Variants in APOOL observed in about 807,000 individuals in gnomAD.
APOOL encodes the protein apolipoprotein O like.
A neutral mutation model predicts 23.1 loss-of-function variants in APOOL; 12 were observed. The observed-to-expected ratio is 0.52, with a 90% CI of 0.33 to 0.84. The LOEUF (loss-of-function observed/expected upper bound fraction) is 0.84, where lower values mean the gene tolerates loss of function less well. APOOL is among the 40% of genes least tolerant of loss of function. APOOL has a pLI of 0.02. For synonymous variants in APOOL, 77 were observed against 69.9 expected (o/e 1.10, Z -0.51); for missense variants, 212 against 199.6 (o/e 1.06, Z -0.37).
At chrX:85,081,099 G>T (rs770162194) in intron 8 of APOOL, among the ~76,000 whole-genome samples, 5 of 111,524 alleles carry the variant, frequency 4.5e-5, no homozygotes, top group African/African-American at 1.6e-4. Context: ...TACATTTAAG[G>T]TTAATATTGT....
chrX:85,016,125 T>G (rs2147474185), intron 1 of APOOL, among the ~76,000 whole-genome samples: 1 of 109,780 alleles, frequency 9.1e-6, no homozygotes, highest in African/African-American at 3.3e-5. Flanking sequence ...ATTGTTTTAT[T>G]TACTAAATTG....
At chrX:85,081,126 C>G in intron 8 of APOOL, among the ~76,000 whole-genome samples, 1 of 111,499 alleles carries the variant, frequency 9.0e-6, no homozygotes, top group Middle Eastern at 4.6e-3. Flanking sequence ...TGAATTTGAT[C>G]CTGTCGTTAT....
At chrX:85,009,228 T>C (rs1224009077) in intron 1 of APOOL, among the ~76,000 whole-genome samples, 3 of 111,704 alleles carry the variant, frequency 2.7e-5, no homozygotes, top group Non-Finnish European at 5.7e-5. Context: ...CTTTTCCAAT[T>C]TGTATGTCTT....
rs2147675059 is a variant in APOOL at position 85,090,936 on chromosome X, A to T, written c.*3258A>T. Reference sequence around the variant, plus strand: ...GAGTGACTGTGCTCAGCCTTTTTTAAAAAAATGAAGGTATTTGGTATGGCC... The same window carrying T: ...GAGTGACTGTGCTCAGCCTTTTTTATAAAAATGAAGGTATTTGGTATGGCC... On this transcript the variant is annotated 3_prime_UTR_variant, in exon 9 of 9. Transcript: ENST00000373173. The T allele has an allele frequency of 8.9e-6, 1 of 112,093 alleles. No homozygotes were observed. The highest frequency in any genetic ancestry group is 3.2e-5 in the African/African-American group (1 of 30,853). The allele number at this position is 112,093 out of a possible 1,213,427, so 9.2% of individuals were successfully genotyped here.
At chrX:85,023,416 G>T (rs779421593) in intron 1 of APOOL, among the ~76,000 whole-genome samples, 1 of 111,888 alleles carries the variant, frequency 8.9e-6, no homozygotes, top group Admixed American at 9.5e-5. Context: ...ATGGAAGACA[G>T]AAATTGAAAG....
Position 85,089,713 on chromosome X carries a change from A to T in APOOL, c.*2035A>T, listed in dbSNP as rs780813896. On this transcript the variant is annotated 3_prime_UTR_variant, in exon 9 of 9. Transcript: ENST00000373173. ...TCTACTTACTAGTTATATTCACCTA[A>T]CATCCCATAGATATGCCAATGTCAA... 5.4e-5 allele frequency: 6 copies of T among 110,927 alleles called. No individual in the cohort carries two copies. The highest frequency in any genetic ancestry group is 2.0e-4 in the African/African-American group (6 of 30,532). The allele number at this position is 110,927 out of a possible 1,213,427, so 9.1% of individuals were successfully genotyped here. A position where few individuals can be genotyped will look rare whatever the true frequency, so the allele number is the denominator to read the frequency against.
intron 8 of APOOL, among the ~76,000 whole-genome samples, chrX:85,085,741 A>G (rs958320597): frequency 1.8e-5 from 2 of 112,512 alleles, no homozygotes; most frequent in African/African-American, 3.2e-5. Context: ...GTCACAAAGT[A>G]AATATAAAAT....
At chrX:85,047,784 T>C (rs1226276000) in intron 2 of APOOL, among the ~76,000 whole-genome samples, 1 of 111,570 alleles carries the variant, frequency 9.0e-6, no homozygotes, top group Admixed American at 9.6e-5. Context: ...CTTCCCGCTT[T>C]AAGTCAACCT....
At chrX:85,022,659 C>T (rs942369742) in intron 1 of APOOL, among the ~76,000 whole-genome samples, 22 of 110,298 alleles carry the variant, frequency 2.0e-4, no homozygotes, top group African/African-American at 6.9e-4. Context: ...AAGCTAAAAG[C>T]TTTTCCTCTA....
In APOOL at chrX:85,092,018, C is replaced by T. The variant is rs1368047472; in HGVS notation, c.*4340C>T. 1 of 128,445 alleles carries T rather than the reference C, an allele frequency of 7.8e-6. No individual in the cohort carries two copies. The highest frequency in any genetic ancestry group is 1.6e-5 in the Non-Finnish European group (1 of 64,142). 10.6% of individuals were successfully genotyped at this position (128,445 alleles called of 1,213,427 possible). A position where few individuals can be genotyped will look rare whatever the true frequency, so the allele number is the denominator to read the frequency against. On this transcript the variant is annotated 3_prime_UTR_variant, in exon 9 of 9. Coordinates refer to ENST00000373173, the MANE Select transcript of APOOL (RefSeq NM_198450.6). ...TGAGCAACATAGCAAGATCCTGCCT[C>T]TAAAAACAAACAAACAAAAAATGCT...
intron 2 of APOOL, among the ~76,000 whole-genome samples, chrX:85,048,840 C>T (rs984495914): frequency 9.0e-6 from 1 of 111,221 alleles, no homozygotes; most frequent in African/African-American, 3.3e-5. Context: ...ATATTCCTGC[C>T]TTATATGCCA....
At chrX:85,030,888 T>C (rs987096359) in intron 1 of APOOL, among the ~76,000 whole-genome samples, 2 of 112,002 alleles carry the variant, frequency 1.8e-5, no homozygotes, top group Admixed American at 1.9e-4. Flanking sequence ...AAAAACCACT[T>C]GTACTCCAAA....
chrX:85,066,398 G>T (rs1455489534), intron 5 of APOOL, among the ~76,000 whole-genome samples: 1 of 111,264 alleles, frequency 9.0e-6, no homozygotes, highest in African/African-American at 3.3e-5. Flanking sequence ...CACAGCTAGG[G>T]TTTGATACAG....
At chrX:85,004,927 A>G (rs2042794671) in intron 1 of APOOL, among the ~76,000 whole-genome samples, 1 of 109,228 alleles carries the variant, frequency 9.2e-6, no homozygotes, top group African/African-American at 3.3e-5. Context: ...TCACTCAGGA[A>G]CCCTCCTCCT....
intron 1 of APOOL, among the ~76,000 whole-genome samples, chrX:85,021,813 T>C (rs1921674152): frequency 9.0e-6 from 1 of 111,662 alleles, no homozygotes; most frequent in Non-Finnish European, 1.9e-5. Flanking sequence ...TCAGTGAAAG[T>C]AAGAGTTGAT....
intron 1 of APOOL, among the ~76,000 whole-genome samples, chrX:85,034,872 C>A (rs1569455252): frequency 9.0e-6 from 1 of 111,627 alleles, no homozygotes; most frequent in Non-Finnish European, 1.9e-5. Flanking sequence ...CTGATGGGCA[C>A]CTAGGTTTAT....
chrX:85,039,181 A>T (rs1331872053), intron 1 of APOOL, among the ~76,000 whole-genome samples: 1 of 108,862 alleles, frequency 9.2e-6, no homozygotes, highest in Non-Finnish European at 1.9e-5. Context: ...ATTCAGGAGC[A>T]TATTGTTTAA....
intron 5 of APOOL, among the ~76,000 whole-genome samples, chrX:85,066,238 C>T (rs1349240998): frequency 8.9e-6 from 1 of 112,019 alleles, no homozygotes; most frequent in African/African-American, 3.2e-5. Flanking sequence ...GTATAAGATA[C>T]TCAGACAAGC....
In APOOL at chrX:85,089,671, T is replaced by G. The variant is rs1441544718; in HGVS notation, c.*1993T>G. 4 of 111,437 alleles carry G rather than the reference T, an allele frequency of 3.6e-5. No individual in the cohort carries two copies. Among genetic ancestry groups the G allele is most frequent in the African/African-American group, 1.3e-4 (4 of 30,636 alleles). 9.2% of individuals were successfully genotyped at this position (111,437 alleles called of 1,213,427 possible). On this transcript the variant is annotated 3_prime_UTR_variant, in exon 9 of 9. Transcript: ENST00000373173. ...ATTTTCAACCCCCATATCTCTCTAGTGCTGTAGACCTTTATTTCTACTTAC... is the reference window on the plus strand; with the variant it reads ...ATTTTCAACCCCCATATCTCTCTAGGGCTGTAGACCTTTATTTCTACTTAC...
Sources: gnomAD v4.1 joint callset for allele counts (sites outside exome capture counted in the v4.1 genomes callset) on GRCh38, gnomAD v4.1.1 for gene constraint, MANE v1.5 for transcripts, NCBI Gene and HGNC (gene_info 2026-07-23, HGNC 2026-07-21) for gene names.